MACROD2: variants seen among roughly 807,000 people sequenced by gnomAD.
The protein encoded by MACROD2 is ADP-ribose glycohydrolase MACROD2.
MACROD2 carries 36 observed loss-of-function variants against 70.4 expected under a neutral mutation model. That is an observed-to-expected ratio of 0.51 (90% CI 0.39 to 0.68). The LOEUF is 0.68. Among genes scored for constraint, MACROD2 ranks in the 30% least tolerant of loss-of-function variants. MACROD2 has a pLI of 0.00. For synonymous variants in MACROD2, 172 were observed against 178.8 expected (o/e 0.96, Z 0.30); for missense variants, 496 against 538.4 (o/e 0.92, Z 0.78).
intron 3 of MACROD2, among the ~76,000 whole-genome samples, chr20:14,146,716 A>G (rs937489682): frequency 6.6e-6 from 1 of 152,224 alleles, no homozygotes; most frequent in African/African-American, 2.4e-5. Context: ...AGATGGATTG[A>G]TACTTCTTTC....
At chr20:14,809,143 A>G (rs577752563) in intron 5 of MACROD2, among the ~76,000 whole-genome samples, 18 of 152,244 alleles carry the variant, frequency 1.2e-4, no homozygotes, top group African/African-American at 4.3e-4. Flanking sequence ...TCTTCTCAGT[A>G]CCACATAGCA....
intron 8 of MACROD2, among the ~76,000 whole-genome samples, chr20:15,529,670 C>A (rs1057046388): frequency 6.6e-6 from 1 of 152,032 alleles, no homozygotes; most frequent in South Asian, 2.1e-4. Flanking sequence ...GTAATAGTTA[C>A]GTATATGTTG....
chr20:16,045,992 TA>T (rs11476311), intron 17 of MACROD2, among the ~76,000 whole-genome samples: 106,062 of 150,836 alleles, frequency 0.7, 38,799 homozygotes, highest in South Asian at 0.83. Context: ...ATTTAGTTGT[TA>T]AAAAAAAAAG....
At chr20:15,336,425 A>T (rs2078049520) in intron 6 of MACROD2, among the ~76,000 whole-genome samples, 1 of 150,786 alleles carries the variant, frequency 6.6e-6, no homozygotes, top group South Asian at 2.1e-4. Flanking sequence ...TGTTTACTGT[A>T]AACATGTTTT....
intron 5 of MACROD2, among the ~76,000 whole-genome samples, chr20:15,001,943 G>GCC (rs1180204834): frequency 6.8e-5 from 10 of 147,484 alleles, no homozygotes; most frequent in African/African-American, 2.3e-4. Flanking sequence ...GCGTGTGCAT[G>GCC]CCCACACACA....
intron 13 of MACROD2, among the ~76,000 whole-genome samples, chr20:15,980,559 A>G (rs1157069281): frequency 6.6e-6 from 1 of 152,180 alleles, no homozygotes. Flanking sequence ...TTTTATTACT[A>G]TTATAACTCC....
intron 8 of MACROD2, among the ~76,000 whole-genome samples, chr20:15,638,505 T>A (rs2049404538): frequency 6.6e-6 from 1 of 152,144 alleles, no homozygotes; most frequent in African/African-American, 2.4e-5. Flanking sequence ...GAACTGCAAG[T>A]CATTAGACAA....
chr20:14,513,181 G>A (rs1318934686), intron 4 of MACROD2, among the ~76,000 whole-genome samples: 1 of 152,116 alleles, frequency 6.6e-6, no homozygotes, highest in African/African-American at 2.4e-5. Context: ...TGACATGAAT[G>A]AGAAACATCA....
At chr20:15,872,615 T>C (rs1601029961) in intron 9 of MACROD2, among the ~76,000 whole-genome samples, 1 of 152,204 alleles carries the variant, frequency 6.6e-6, no homozygotes. Context: ...TCACTAGATA[T>C]GTACACCAAG....
intron 7 of MACROD2, among the ~76,000 whole-genome samples, chr20:15,433,732 A>G (rs1225211415): frequency 4.4e-5 from 6 of 137,686 alleles, no homozygotes; most frequent in African/African-American, 1.2e-4. Flanking sequence ...AACAGCCTGC[A>G]TAGCCAAAGT....
At chr20:14,395,041 C>G (rs1353480111) in intron 3 of MACROD2, among the ~76,000 whole-genome samples, 1 of 151,856 alleles carries the variant, frequency 6.6e-6, no homozygotes, top group Non-Finnish European at 1.5e-5. Context: ...TGACCTAAAG[C>G]TTTCTTTTTT....
chr20:15,686,263 G>A (rs1201931094), intron 8 of MACROD2, among the ~76,000 whole-genome samples: 1 of 152,192 alleles, frequency 6.6e-6, no homozygotes, highest in African/African-American at 2.4e-5. Context: ...ATATTTTCCA[G>A]TGGTAATTTA....
chr20:15,964,587 T>C (rs1418731407), intron 12 of MACROD2, among the ~76,000 whole-genome samples: 1 of 152,184 alleles, frequency 6.6e-6, no homozygotes, highest in Non-Finnish European at 1.5e-5. Context: ...ACCATGAATA[T>C]ATGCATTTTC....
intron 8 of MACROD2, among the ~76,000 whole-genome samples, chr20:15,512,371 A>C (rs943220139): frequency 5.3e-5 from 8 of 152,246 alleles, no homozygotes; most frequent in African/African-American, 1.9e-4. Flanking sequence ...TCCTGTTGAT[A>C]GTAATCATTG....
At chr20:14,528,513 T>C (rs545225668) in intron 4 of MACROD2, among the ~76,000 whole-genome samples, 1 of 152,274 alleles carries the variant, frequency 6.6e-6, no homozygotes, top group East Asian at 1.9e-4. Flanking sequence ...TGCCAGCTTT[T>C]ATAGCTTTTT....
chr20:15,366,571 T>G (rs1326471080), intron 6 of MACROD2, among the ~76,000 whole-genome samples: 1 of 152,168 alleles, frequency 6.6e-6, no homozygotes, highest in Non-Finnish European at 1.5e-5. Flanking sequence ...TTTTAATAGA[T>G]AGGGTCTTAC....
intron 3 of MACROD2, among the ~76,000 whole-genome samples, chr20:14,339,766 CT>C (rs1295883154): frequency 5.9e-5 from 9 of 152,144 alleles, no homozygotes; most frequent in South Asian, 2.1e-4. Flanking sequence ...TTTTTTGTTG[CT>C]TTTTTTCCCC....
chr20:15,234,009 A>ATATTTTTTTTTTTTTTTTTTTTTT (rs1555795277), intron 6 of MACROD2, among the ~76,000 whole-genome samples: 1 of 39,998 alleles, frequency 2.5e-5, no homozygotes, highest in Admixed American at 4.1e-4. Flanking sequence ...ATATATATAT[A>ATATTTTTTTTTTTTTTTTTTTTTT]TTCTTTTTTT....
chr20:15,930,046 A>G (rs1193641409), intron 10 of MACROD2, among the ~76,000 whole-genome samples: 4 of 152,182 alleles, frequency 2.6e-5, no homozygotes, highest in African/African-American at 9.7e-5. Flanking sequence ...GTGATCTTAA[A>G]GGAATATTAA....
Sources: gnomAD v4.1 joint callset for allele counts (sites outside exome capture counted in the v4.1 genomes callset) on GRCh38, gnomAD v4.1.1 for gene constraint, MANE v1.5 for transcripts, NCBI Gene and HGNC (gene_info 2026-07-23, HGNC 2026-07-21) for gene names.